SENP8: variants seen among roughly 807,000 people sequenced by gnomAD.
SENP8 encodes SUMO peptidase family member, NEDD8 specific.
SENP8 carries 10 observed loss-of-function variants against 14.4 expected under a neutral mutation model. The observed-to-expected ratio is 0.69, with a 90% CI of 0.43 to 1.18. SENP8 has a LOEUF of 1.18. SENP8 is among the 50% of genes most tolerant of loss of function. The pLI is 0.00. For synonymous variants in SENP8, 94 were observed against 95.5 expected (o/e 0.98, Z 0.09); for missense variants, 202 against 249.4 (o/e 0.81, Z 1.28).
Position 72,139,933 on chromosome 15 carries a change from A to G in SENP8, c.310A>G (p.Ser104Gly). 1 of 1,614,200 alleles carries G rather than the reference A, an allele frequency of 6.2e-7. No homozygotes were observed. Among genetic ancestry groups the G allele is most frequent in the Non-Finnish European group, 8.5e-7 (1 of 1,180,022 alleles). ...CCAGGCAGCTGGAGGAACCCACTGG[A>G]GTTTATTGGTCTACCTCCAAGATAA... ...SNQAAGGTHWSLLVYLQDKNS... is the reference protein window; with the variant it reads ...SNQAAGGTHWGLLVYLQDKNS... The change falls in exon 2 of 2, where the codon AGT becomes GGT. Residue 104 changes from serine to glycine, a missense_variant. By Grantham distance (56) the Ser-to-Gly change is moderately conservative (BLOSUM62 0). Coordinates refer to ENST00000340912, the MANE Select transcript of SENP8 (RefSeq NM_145204.4).
At chr15:72,128,883 C>G (rs1489125687) in intron 1 of SENP8, among the ~76,000 whole-genome samples, 1 of 152,156 alleles carries the variant, frequency 6.6e-6, no homozygotes, top group Non-Finnish European at 1.5e-5. Flanking sequence ...ATAATCTGCA[C>G]TTACTTTGTA....
chr15:72,139,985 A>T lies in SENP8; in HGVS notation c.362A>T (p.His121Leu). The change falls in exon 2 of 2, where the codon CAT (histidine) becomes CTT (leucine). Residue 121 changes from histidine (H) to leucine (L), a missense_variant. Physicochemically the swap from His to Leu is moderately conservative, Grantham distance 99. Coordinates refer to ENST00000340912, the MANE Select transcript of SENP8 (RefSeq NM_145204.4). ...DKNSFFHYDS[H>L]SRSNSVHAKQ... ...AATAGCTTTTTTCATTATGATTCCC[A>T]TAGCAGGAGCAACTCAGTTCACGCA... The T allele has an allele frequency of 1.2e-6, 2 of 1,614,236 alleles. No individual in the cohort carries two copies. The highest frequency in any genetic ancestry group is 1.7e-6 in the Non-Finnish European group (2 of 1,180,048).
chr15:72,120,728 G>A (rs2081160372), intron 1 of SENP8, among the ~76,000 whole-genome samples: 2 of 152,172 alleles, frequency 1.3e-5, no homozygotes, highest in African/African-American at 4.8e-5. Context: ...AAATCTGGCA[G>A]CAGGTCTAAT....
chr15:72,140,171 C>G lies in SENP8; in HGVS notation c.548C>G (p.Thr183Arg). Residue 183 changes from threonine to arginine, a missense_variant, in exon 2 of 2, where the codon ACA becomes AGA. Physicochemically the swap from Thr to Arg is moderately conservative, Grantham distance 71. Transcript: ENST00000340912. ...ALCQNFFRQQ[T>R]ESLLQLLTPA... The stretch of plus-strand genomic sequence containing the variant: ...TGTCAGAACTTCTTTAGGCAACAGA[C>G]AGAATCACTGCTGCAGCTACTCACC... The G allele has an allele frequency of 6.2e-7, 1 of 1,614,080 alleles. No homozygotes were observed. Among genetic ancestry groups the G allele is most frequent in the Non-Finnish European group, 8.5e-7 (1 of 1,179,956 alleles).
intron 1 of SENP8, among the ~76,000 whole-genome samples, chr15:72,118,767 A>G (rs537277377): frequency 2.0e-5 from 3 of 152,176 alleles, no homozygotes; most frequent in Non-Finnish European, 4.4e-5. Flanking sequence ...GCTTTTGTAT[A>G]GGAGACCGTG....
At chr15:72,118,082 G>T, upstream of SENP8, 1 of 393,616 alleles carries the variant, frequency 2.5e-6, no homozygotes, top group Non-Finnish European at 4.5e-6. Flanking sequence ...TCGGTCGCGC[G>T]CCCCCGACCC....
chr15:72,129,632 C>T (rs2081253514), intron 1 of SENP8, among the ~76,000 whole-genome samples: 1 of 150,700 alleles, frequency 6.6e-6, no homozygotes, highest in Non-Finnish European at 1.5e-5. Context: ...CCACCTCGGC[C>T]TCCCAAAGTG....
chr15:72,137,407 T>C (rs2081337239), intron 1 of SENP8, among the ~76,000 whole-genome samples: 1 of 152,120 alleles, frequency 6.6e-6, no homozygotes, highest in African/African-American at 2.4e-5. Flanking sequence ...TCTTATCCCA[T>C]ACTACCTTTT....
In SENP8 at chr15:72,142,529, A is replaced by G. The variant is rs1482292961; in HGVS notation, c.*2267A>G. 6.6e-6 allele frequency: 1 copy of G among 152,224 alleles called. No homozygotes were observed. Among genetic ancestry groups the G allele is most frequent in the Admixed American group, 6.5e-5 (1 of 15,278 alleles). 9.4% of individuals were successfully genotyped at this position (152,224 alleles called of 1,614,324 possible). ...AGGTTTTTCAAAACTGGGCTAAGCA[A>G]TTATCAAACTGAACTAACCTGCTTT... On this transcript the variant is annotated 3_prime_UTR_variant, in exon 2 of 2. Transcript: ENST00000340912.
intron 1 of SENP8, among the ~76,000 whole-genome samples, chr15:72,119,322 G>A (rs1444072641): frequency 6.6e-6 from 1 of 152,212 alleles, no homozygotes; most frequent in Admixed American, 6.5e-5. Flanking sequence ...CCCCACTCTA[G>A]ACCAATTAAA....
In SENP8 at chr15:72,139,721, G is replaced by C; in HGVS notation, c.98G>C (p.Gly33Ala). 1 of 1,614,106 alleles carries C rather than the reference G, an allele frequency of 6.2e-7. No individual in the cohort carries two copies. Among genetic ancestry groups the C allele is most frequent in the South Asian group, 1.1e-5 (1 of 91,070 alleles). ...PPSWLNDHII[G>A]FAFEYFANSQ... ...AGCTGGCTCAATGACCATATTATTGGGTTTGCGTTTGAGTACTTTGCCAAC... is the reference window on the plus strand; with the variant it reads ...AGCTGGCTCAATGACCATATTATTGCGTTTGCGTTTGAGTACTTTGCCAAC... The change falls in exon 2 of 2, where the codon GGG (glycine) becomes GCG (alanine). Residue 33 changes from glycine (G) to alanine (A), a missense_variant. Coordinates refer to ENST00000340912, the MANE Select transcript of SENP8 (RefSeq NM_145204.4).
Position 72,129,617 on chromosome 15 carries a change from T to A in SENP8, c.-47-9960T>A, listed in dbSNP as rs1383951793. Among the ~76,000 whole-genome samples the A allele has an allele frequency of 4.0e-5, 6 of 148,628 alleles. No individual in the cohort carries two copies. The East Asian group carries it at 1.2e-3, about 30-fold the overall frequency. ...GTGTCAAACTCCTGACCTCAGGTGA[T>A]CCACCCACCTCGGCCTCCCAAAGTG... On this transcript the variant is annotated intron_variant, in intron 1 of 1. Transcript: ENST00000340912.
chr15:72,116,291 C>CTG (rs1164708092), upstream of SENP8, among the ~76,000 whole-genome samples: 4 of 151,654 alleles, frequency 2.6e-5, no homozygotes, highest in Non-Finnish European at 5.9e-5. Flanking sequence ...ACATTTTTTA[C>CTG]TGTGTGTGTG....
At chr15:72,120,012 C>A (rs2151318444) in intron 1 of SENP8, among the ~76,000 whole-genome samples, 1 of 152,298 alleles carries the variant, frequency 6.6e-6, no homozygotes, top group Admixed American at 6.5e-5. Context: ...ATCCCCACTT[C>A]TGTCCCCAAA....
chr15:72,131,131 G>A (rs911257976), intron 1 of SENP8, among the ~76,000 whole-genome samples: 1 of 152,146 alleles, frequency 6.6e-6, no homozygotes. Context: ...TTGAGCCCAA[G>A]AGTTCAAGGA....
rs28543029 is a variant in SENP8, at chr15:72,130,790, C to T, written c.-47-8787C>T. Reference sequence around the variant, plus strand: ...GTTGGTCAGGCCAGTCTCGAACTCCCGACCTCAGGTGATCCGCCTGCCTCA... The same window carrying T: ...GTTGGTCAGGCCAGTCTCGAACTCCTGACCTCAGGTGATCCGCCTGCCTCA... On this transcript the variant is annotated intron_variant, in intron 1 of 1. Transcript: ENST00000340912. Among the ~76,000 whole-genome samples, 635 of 152,066 alleles carry T rather than the reference C, an allele frequency of 4.2e-3. 6 individuals carry two copies. The highest frequency in any genetic ancestry group is 0.015 in the African/African-American group (607 of 41,506).
At chr15:72,127,232 G>A (rs1450000107) in intron 1 of SENP8, among the ~76,000 whole-genome samples, 4 of 151,934 alleles carry the variant, frequency 2.6e-5, no homozygotes, top group Non-Finnish European at 5.9e-5. Flanking sequence ...GAAGAGGCAG[G>A]GGGAGGAAAA....
intron 1 of SENP8, chr15:72,134,697 G>A (rs2081309547): frequency 4.6e-6 from 1 of 216,810 alleles, no homozygotes; most frequent in Non-Finnish European, 9.7e-6. Flanking sequence ...CTAGGCCTTG[G>A]AAAAAACATG....
At chr15:72,131,078 C>T (rs2081269362) in intron 1 of SENP8, among the ~76,000 whole-genome samples, 1 of 152,094 alleles carries the variant, frequency 6.6e-6, no homozygotes, top group South Asian at 2.1e-4. Context: ...TGGTGCATGC[C>T]TATAGTCCCA....
Sources: gnomAD v4.1 joint callset for allele counts (sites outside exome capture counted in the v4.1 genomes callset) on GRCh38, gnomAD v4.1.1 for gene constraint, MANE v1.5 for transcripts, NCBI Gene and HGNC (gene_info 2026-07-23, HGNC 2026-07-21) for gene names.